Variants in CDH8 observed in about 807,000 individuals in gnomAD.
CDH8 encodes cadherin 8, also known as cadherin-8.
In CDH8, 17 loss-of-function variants were observed where a neutral mutation model predicts 68.1. That is an observed-to-expected ratio of 0.25 (90% CI 0.17 to 0.37). The LOEUF (loss-of-function observed/expected upper bound fraction) is 0.37, where lower values mean the gene tolerates loss of function less well. CDH8 is among the 10% of genes least tolerant of loss of function. The pLI is 1.00. For missense variants in CDH8, 763 were observed against 999.3 expected, an observed-to-expected ratio of 0.76 and a Z score of 3.19; for synonymous variants, 372 against 365.1, an observed-to-expected ratio of 1.02 and a Z score of -0.21.
At chr16:61,791,776 T>C (rs560260377) in intron 7 of CDH8, among the ~76,000 whole-genome samples, 8 of 152,122 alleles carry the variant, frequency 5.3e-5, no homozygotes, top group Non-Finnish European at 1.0e-4. Flanking sequence ...ATTTAAAAAA[T>C]GTTGTTGTTT....
chr16:61,829,539 T>C (rs1962412656), intron 4 of CDH8, among the ~76,000 whole-genome samples: 1 of 151,854 alleles, frequency 6.6e-6, no homozygotes. Context: ...CCAGGCCTGC[T>C]CCTTAAGAAG....
chr16:61,702,361 G>A (rs1195456560), intron 10 of CDH8, among the ~76,000 whole-genome samples: 2 of 149,876 alleles, frequency 1.3e-5, no homozygotes, highest in Non-Finnish European at 3.0e-5. Context: ...GACAGAGCGA[G>A]ACTCCGTCTC....
At chr16:61,956,195 C>T (rs1964986259) in intron 2 of CDH8, among the ~76,000 whole-genome samples, 1 of 152,078 alleles carries the variant, frequency 6.6e-6, no homozygotes, top group African/African-American at 2.4e-5. Flanking sequence ...ACTATAGAAA[C>T]ACTCATATAC....
At chr16:61,753,957 A>C (rs1371820072) in intron 8 of CDH8, among the ~76,000 whole-genome samples, 1 of 152,156 alleles carries the variant, frequency 6.6e-6, no homozygotes, top group Non-Finnish European at 1.5e-5. Flanking sequence ...TGTGAAAATT[A>C]AATCAGTACA....
intron 2 of CDH8, among the ~76,000 whole-genome samples, chr16:61,951,091 A>C (rs1390818143): frequency 6.6e-6 from 1 of 151,274 alleles, no homozygotes; most frequent in African/African-American, 2.4e-5. Context: ...GATAACTAGT[A>C]ATCATCATCA....
Position 61,834,441 on chromosome 16 carries a change from T to C in CDH8, c.668-9262A>G, listed in dbSNP as rs552703489. ...ATGCTAGTGAGGTGAGTGTGTTTTATAGACTGAAGAACACGGGGTTCTCAT... is the reference window on the plus strand; with the variant it reads ...ATGCTAGTGAGGTGAGTGTGTTTTACAGACTGAAGAACACGGGGTTCTCAT... On this transcript the variant is annotated intron_variant, in intron 4 of 11. Coordinates refer to ENST00000577390, the MANE Select transcript of CDH8 (RefSeq NM_001796.5). Among the ~76,000 whole-genome samples, 126 of 152,098 alleles carry C rather than the reference T, an allele frequency of 8.3e-4. 1 individual carries two copies. Among genetic ancestry groups the C allele is most frequent in the African/African-American group, 2.8e-3 (117 of 41,554 alleles).
intron 8 of CDH8, among the ~76,000 whole-genome samples, chr16:61,768,592 G>A (rs1348786228): frequency 6.6e-6 from 1 of 151,524 alleles, no homozygotes; most frequent in African/African-American, 2.4e-5. Flanking sequence ...CTTATTTGGT[G>A]AGACCCTGAA....
chr16:61,911,185 T>A (rs1964155271), intron 2 of CDH8, among the ~76,000 whole-genome samples: 1 of 151,928 alleles, frequency 6.6e-6, no homozygotes, highest in South Asian at 2.1e-4. Context: ...GATGGATGGA[T>A]GAATGGATGG....
chr16:61,654,204 T>C (rs1339063517), intron 11 of CDH8, 103 bp from the exon 12 acceptor site: 2 of 916,836 alleles, frequency 2.2e-6, no homozygotes, highest in Non-Finnish European at 3.3e-6. Flanking sequence ...CAAAATTGTA[T>C]GAGCATACAC....
chr16:61,735,125 T>C (rs1959640434), intron 8 of CDH8, among the ~76,000 whole-genome samples: 1 of 152,070 alleles, frequency 6.6e-6, no homozygotes, highest in African/African-American at 2.4e-5. Context: ...ACACTTGTCA[T>C]TGGATTTAAG....
chr16:61,988,070 G>A (rs1483330076), intron 2 of CDH8, among the ~76,000 whole-genome samples: 1 of 152,038 alleles, frequency 6.6e-6, no homozygotes, highest in Admixed American at 6.6e-5. Flanking sequence ...TAACAAAAAT[G>A]TATCATTGTT....
chr16:61,880,151 C>G (rs1453428913), intron 3 of CDH8, among the ~76,000 whole-genome samples: 1 of 152,138 alleles, frequency 6.6e-6, no homozygotes, highest in Non-Finnish European at 1.5e-5. Flanking sequence ...GTCTTGAACT[C>G]CTGACCTTGT....
intron 2 of CDH8, among the ~76,000 whole-genome samples, chr16:61,938,246 C>T (rs1340571955): frequency 6.6e-6 from 1 of 152,080 alleles, no homozygotes; most frequent in Non-Finnish European, 1.5e-5. Context: ...GAATTAATTA[C>T]CCAGTCATCC....
rs1417103078 is a variant in CDH8 at position 61,652,601 on chromosome 16, T to A, written c.*1007A>T. The A allele has an allele frequency of 1.9e-6, 2 of 1,033,996 alleles. No homozygotes were observed. The highest frequency in any genetic ancestry group is 4.5e-5 in the East Asian group (1 of 22,076). The allele number at this position is 1,033,996 out of a possible 1,614,324, so 64.1% of individuals were successfully genotyped here. ...AATATTGCCTGCCATACTCATCTCA[T>A]CAAAATGTACATGTATTAAACATTC... On this transcript the variant is annotated 3_prime_UTR_variant, in exon 12 of 12. Coordinates refer to ENST00000577390, the MANE Select transcript of CDH8 (RefSeq NM_001796.5).
intron 2 of CDH8, among the ~76,000 whole-genome samples, chr16:61,948,137 GT>G (rs1964829368): frequency 6.6e-6 from 1 of 152,160 alleles, no homozygotes; most frequent in Non-Finnish European, 1.5e-5. Context: ...CTAAGAAGGT[GT>G]TTGGAGGGAG....
intron 2 of CDH8, among the ~76,000 whole-genome samples, chr16:61,903,628 A>G (rs1430434801): frequency 2.0e-5 from 3 of 152,200 alleles, no homozygotes; most frequent in Admixed American, 2.0e-4. Flanking sequence ...GGTTTTTGAA[A>G]GAACAAAACA....
At chr16:62,018,872 G>A (rs1902005982) in intron 2 of CDH8, among the ~76,000 whole-genome samples, 1 of 152,192 alleles carries the variant, frequency 6.6e-6, no homozygotes, top group South Asian at 2.1e-4. Context: ...TAAGTCACAA[G>A]AAGATGCTGA....
At chr16:62,002,205 GTAAAT>G (rs533073860) in intron 2 of CDH8, among the ~76,000 whole-genome samples, 74 of 152,242 alleles carry the variant, frequency 4.9e-4, no homozygotes, top group African/African-American at 1.5e-3. Flanking sequence ...AAAAAAGAAA[GTAAAT>G]TAATCTGTAG....
At chr16:61,697,917 G>A (rs2142843473) in intron 10 of CDH8, among the ~76,000 whole-genome samples, 1 of 152,326 alleles carries the variant, frequency 6.6e-6, no homozygotes, top group Middle Eastern at 3.4e-3. Context: ...CTCATGCAAC[G>A]TGCTTGAGGC....
Sources: gnomAD v4.1 joint callset for allele counts (sites outside exome capture counted in the v4.1 genomes callset) on GRCh38, gnomAD v4.1.1 for gene constraint, MANE v1.5 for transcripts, NCBI Gene and HGNC (gene_info 2026-07-23, HGNC 2026-07-21) for gene names.